The following PPP1R13B variants were observed in gnomAD, a reference collection of about 807,000 sequenced individuals.
The protein encoded by PPP1R13B is protein phosphatase 1 regulatory subunit 13B.
PPP1R13B carries 44 observed loss-of-function variants against 119.8 expected under a neutral mutation model. The observed-to-expected ratio is 0.37, with a 90% confidence interval of 0.29 to 0.47. The LOEUF is 0.47. Ranked by LOEUF, PPP1R13B falls within the 20% of genes least tolerant of loss-of-function variation. The pLI is 0.99. For missense variants in PPP1R13B, 1,227 were observed against 1,413.5 expected (o/e 0.87, Z 2.12); for synonymous variants, 542 against 561.5 (o/e 0.97, Z 0.49).
intron 1 of PPP1R13B, among the ~76,000 whole-genome samples, chr14:103,819,871 A>C (rs2086366101): frequency 6.6e-6 from 1 of 152,188 alleles, no homozygotes; most frequent in African/African-American, 2.4e-5. Context: ...AAGGAACTTA[A>C]CCGCTACAAT....
chr14:103,821,788 G>A (rs1051311086), intron 1 of PPP1R13B, among the ~76,000 whole-genome samples: 1 of 151,778 alleles, frequency 6.6e-6, no homozygotes, highest in Non-Finnish European at 1.5e-5. Context: ...AATAAATAAA[G>A]AGGAGCTGAC....
rs533528844 is a variant in PPP1R13B, at chr14:103,754,444, C to T, written c.457-200G>A. Among the ~76,000 whole-genome samples the T allele has an allele frequency of 1.3e-3, 197 of 151,574 alleles. 1 individual carries two copies. The highest frequency in any genetic ancestry group is 3.6e-3 in the South Asian group (17 of 4,788). On this transcript the variant is annotated intron_variant, in intron 5 of 16. Transcript: ENST00000202556. ...ACTGGGCGTGGTGTGCGCCTGTAGT[C>T]CCAGCTACTTGGGAGGCTGAGGCAG... is the stretch of plus-strand genomic sequence containing the variant.
chr14:103,802,097 G>A (rs2085913834), intron 1 of PPP1R13B, among the ~76,000 whole-genome samples: 1 of 152,086 alleles, frequency 6.6e-6, no homozygotes, highest in South Asian at 2.1e-4. Flanking sequence ...GAAACAACTG[G>A]AATATAGTTT....
chr14:103,753,710 C>G (rs183911202), intron 6 of PPP1R13B, among the ~76,000 whole-genome samples: 5 of 152,286 alleles, frequency 3.3e-5, no homozygotes, highest in Admixed American at 3.3e-4. Flanking sequence ...ACCAACGTAA[C>G]AAGAGGATTT....
chr14:103,799,499 C>T (rs2085845691), intron 1 of PPP1R13B, among the ~76,000 whole-genome samples: 1 of 151,420 alleles, frequency 6.6e-6, no homozygotes, highest in Non-Finnish European at 1.5e-5. Flanking sequence ...TTTTAGTAGA[C>T]ACAGGGTTTC....
chr14:103,738,196 A>C lies in PPP1R13B; in HGVS notation c.2865-336T>G, dbSNP rs1156802628. Among the ~76,000 whole-genome samples, 1 of 152,256 alleles carries C rather than the reference A, an allele frequency of 6.6e-6. No individual in the cohort carries two copies. The highest frequency in any genetic ancestry group is 2.4e-5 in the African/African-American group (1 of 41,466). On this transcript the variant is annotated intron_variant, in intron 14 of 16. Transcript: ENST00000202556. The surrounding 1 kb of genome is among the most constrained non-coding windows in gnomAD (Gnocchi z 5.6). ...TTTATGTTATGTGTATTTTACCACGATTCAAATGCAGCACAATGTCAGCTG... is the reference window on the plus strand; with the variant it reads ...TTTATGTTATGTGTATTTTACCACGCTTCAAATGCAGCACAATGTCAGCTG...
chr14:103,807,492 C>T (rs546968169), intron 1 of PPP1R13B, among the ~76,000 whole-genome samples: 8 of 152,152 alleles, frequency 5.3e-5, no homozygotes, highest in African/African-American at 1.9e-4. Context: ...CCCAATTATA[C>T]GTAAAATGTC....
chr14:103,781,160 A>AT (rs2085327497), intron 3 of PPP1R13B, among the ~76,000 whole-genome samples: 2 of 152,200 alleles, frequency 1.3e-5, no homozygotes, highest in East Asian at 3.8e-4. Context: ...GACATTAAGG[A>AT]TTATGTACAT....
At chr14:103,758,475 C>T (rs933802536) in intron 4 of PPP1R13B, among the ~76,000 whole-genome samples, 2 of 152,242 alleles carry the variant, frequency 1.3e-5, no homozygotes, top group African/African-American at 4.8e-5. Context: ...AGCAGAGACA[C>T]AGAGTCTATG....
At chr14:103,748,423 G>C (rs1231085916) in intron 8 of PPP1R13B, among the ~76,000 whole-genome samples, 1 of 152,118 alleles carries the variant, frequency 6.6e-6, no homozygotes, top group Non-Finnish European at 1.5e-5. Flanking sequence ...CTCCCCCTAG[G>C]CAAAGGCCTT....
chr14:103,768,940 GA>G (rs1203550918), intron 4 of PPP1R13B, among the ~76,000 whole-genome samples: 6 of 152,154 alleles, frequency 3.9e-5, no homozygotes, highest in Non-Finnish European at 8.8e-5. Context: ...TCACAATAAA[GA>G]ATAGAAAAAA....
At chr14:103,836,822 G>A (rs571882340) in intron 1 of PPP1R13B, among the ~76,000 whole-genome samples, 60 of 151,022 alleles carry the variant, frequency 4.0e-4, no homozygotes, top group African/African-American at 1.4e-3. Context: ...GTTAGTAAGA[G>A]GCAAAGCCAG....
At chr14:103,746,636 G>T in intron 8 of PPP1R13B, 83 bp from the exon 9 acceptor site, 1 of 1,242,484 alleles carries the variant, frequency 8.0e-7, no homozygotes. Flanking sequence ...TGCCAGCTCG[G>T]ACAGAAAGCA....
chr14:103,735,863 A>T, intron 16 of PPP1R13B, 140 bp downstream of exon 16: 1 of 906,474 alleles, frequency 1.1e-6, no homozygotes, highest in Non-Finnish European at 1.7e-6. Context: ...TCTGCCAAGT[A>T]GGCACCTCCC....
intron 1 of PPP1R13B, among the ~76,000 whole-genome samples, chr14:103,844,648 G>A (rs80328275): frequency 0.014 from 2,197 of 152,034 alleles, 47 homozygotes; most frequent in African/African-American, 0.05. Flanking sequence ...AGAATCTCTC[G>A]AACCTGGGAG....
At position 103,762,162 on chromosome 14, in the gene PPP1R13B, A is replaced by C. The variant is rs563090504; in HGVS notation, c.355-4411T>G. Among the ~76,000 whole-genome samples the C allele has an allele frequency of 1.7e-4, 26 of 152,350 alleles. No individual in the cohort carries two copies. The South Asian group carries it at 5.4e-3, about 32-fold the overall frequency. ...TCCCCAAACAGCATCATCATAACCC[A>C]GAGAAGAGAGAGAACATGTATATGT... On this transcript the variant is annotated intron_variant, in intron 4 of 16. Coordinates refer to ENST00000202556, the MANE Select transcript of PPP1R13B (RefSeq NM_015316.3).
At chr14:103,821,921 G>A (rs1174548450) in intron 1 of PPP1R13B, among the ~76,000 whole-genome samples, 2 of 152,130 alleles carry the variant, frequency 1.3e-5, no homozygotes, top group Non-Finnish European at 2.9e-5. Context: ...AAGGCATTTA[G>A]TTGAGATATA....
At chr14:103,741,222 C>T (rs565707096) in intron 11 of PPP1R13B, among the ~76,000 whole-genome samples, 2 of 152,214 alleles carry the variant, frequency 1.3e-5, no homozygotes, top group African/African-American at 4.8e-5. Flanking sequence ...GGCTTCCTCC[C>T]GTAAGAGTCG....
intron 1 of PPP1R13B, among the ~76,000 whole-genome samples, chr14:103,811,962 AGGTG>A (rs2086166139): frequency 7.2e-6 from 1 of 138,470 alleles, no homozygotes; most frequent in Non-Finnish European, 1.5e-5. Context: ...TGGGAGGCTG[AGGTG>A]GGAGAATGGC....
Sources: allele counts gnomAD v4.1 joint callset (sites outside exome capture counted in the v4.1 genomes callset), GRCh38; gene constraint gnomAD v4.1.1; non-coding constraint Gnocchi (gnomAD v3.1); transcripts MANE v1.5; gene names NCBI Gene and HGNC (gene_info 2026-07-23, HGNC 2026-07-21).